The following STARD5 variants were observed in gnomAD, a reference collection of about 807,000 sequenced individuals.
STARD5 encodes the protein StAR related lipid transfer domain containing 5, also known as stAR-related lipid transfer protein 5.
Under a neutral mutation model 24.6 loss-of-function variants are expected in STARD5, and 26 were observed. That is an observed-to-expected ratio of 1.06 (90% CI 0.77 to 1.47). The LOEUF is 1.47. Ranked by LOEUF, STARD5 falls within the 40% of genes most tolerant of loss-of-function variation. The pLI is 0.00. For missense variants in STARD5, 254 were observed against 270.8 expected, an observed-to-expected ratio of 0.94 and a Z score of 0.44; for synonymous variants, 101 against 99.7, an observed-to-expected ratio of 1.01 and a Z score of -0.07.
chr15:81,323,760 T>A, intron 1 of STARD5: 1 of 731,130 alleles, frequency 1.4e-6, no homozygotes. Context: ...AACAGCCAGG[T>A]GACCTTGGGC....
At chr15:81,323,915 G>A in intron 1 of STARD5, 86 bp downstream of exon 1, 1 of 1,374,740 alleles carries the variant, frequency 7.3e-7, no homozygotes, top group Non-Finnish European at 1.0e-6. Context: ...GAAAACAACG[G>A]GGAGAGGAGG....
chr15:81,318,350 C>A, intron 5 of STARD5, 59 bp downstream of exon 5: 1 of 1,448,084 alleles, frequency 6.9e-7, no homozygotes, highest in Admixed American at 1.7e-5. Context: ...ACAGAAGGTC[C>A]ACAGGGAAGT....
chr15:81,317,899 G>A (rs1447677729), intron 5 of STARD5, among the ~76,000 whole-genome samples: 1 of 152,216 alleles, frequency 6.6e-6, no homozygotes, highest in East Asian at 1.9e-4. Flanking sequence ...TTACAGTGTG[G>A]TCTCAGAACT....
At chr15:81,322,973 A>G in intron 1 of STARD5, 25 bp from the exon 2 acceptor site, 1 of 1,613,834 alleles carries the variant, frequency 6.2e-7, no homozygotes, top group Non-Finnish European at 8.5e-7. Flanking sequence ...AGAACCACAG[A>G]ATTTTAGAGC....
At chr15:81,323,129 T>C in intron 1 of STARD5, 181 bp from the exon 2 acceptor site, 1 of 623,688 alleles carries the variant, frequency 1.6e-6, no homozygotes, top group Admixed American at 3.0e-5. Flanking sequence ...CACAGCAGAA[T>C]GTGATGAAGA....
chr15:81,323,966 C>T (rs1197835562), intron 1 of STARD5, 35 bp downstream of exon 1: 1 of 1,559,142 alleles, frequency 6.4e-7, no homozygotes, highest in South Asian at 1.2e-5. Flanking sequence ...ACGAAGCCGT[C>T]TCCGCGACCC....
chr15:81,323,840 T>A, intron 1 of STARD5, 161 bp downstream of exon 1: 1 of 792,346 alleles, frequency 1.3e-6, no homozygotes, highest in Non-Finnish European at 2.0e-6. Context: ...CCCAATCTTT[T>A]TTTTAAAGAA....
At chr15:81,318,615 G>C in intron 4 of STARD5, 113 bp from the exon 5 acceptor site, 5 of 907,190 alleles carry the variant, frequency 5.5e-6, no homozygotes, top group Non-Finnish European at 8.6e-6. Context: ...GAGTCTGTGA[G>C]GGACTCCTGC....
intron 1 of STARD5, 173 bp downstream of exon 1, chr15:81,323,828 G>A: frequency 1.3e-6 from 1 of 750,244 alleles, no homozygotes. Flanking sequence ...GAGCATAACA[G>A]GCCCAATCTT....
Position 81,313,052 on chromosome 15 carries a change from T to C in STARD5, c.*204A>G, listed in dbSNP as rs1430498852. 2.2e-6 allele frequency: 1 copy of C among 464,342 alleles called. No homozygotes were observed. Among genetic ancestry groups the C allele is most frequent in the Non-Finnish European group, 3.6e-6 (1 of 278,378 alleles). The allele number at this position is 464,342 out of a possible 1,614,324, so 28.8% of individuals were successfully genotyped here. On this transcript the variant is annotated 3_prime_UTR_variant, in exon 6 of 6. Coordinates refer to ENST00000302824, the MANE Select transcript of STARD5 (RefSeq NM_181900.3). ...ATGGAGTTTGGAACACATGAATGGC[T>C]CATCACACGCCAACCCTGAGTGGGG...
At position 81,324,046 on chromosome 15, in the gene STARD5, G is replaced by C. The variant is rs770932256; in HGVS notation, c.54C>G (p.Leu18=). ...QMSEAVAEKM[L]QYRRDTAGWK... Reference sequence around the variant, plus strand: ...AGCCTGCTGTGTCCCGCCGGTACTGGAGCATCTTCTCGGCCACAGCCTCGC... The same window carrying C: ...AGCCTGCTGTGTCCCGCCGGTACTGCAGCATCTTCTCGGCCACAGCCTCGC... The change falls in exon 1 of 6, where the codon CTC becomes CTG. Residue 18 remains leucine, a synonymous_variant. Coordinates refer to ENST00000302824, the MANE Select transcript of STARD5 (RefSeq NM_181900.3). The C allele has an allele frequency of 3.5e-5, 56 of 1,596,408 alleles. No homozygotes were observed. Among genetic ancestry groups the C allele is most frequent in the Non-Finnish European group, 4.2e-5 (49 of 1,170,068 alleles).
intron 1 of STARD5, chr15:81,323,269 C>T: frequency 2.5e-6 from 1 of 399,664 alleles, no homozygotes; most frequent in Admixed American, 4.1e-5. Context: ...TCAAGCAAAA[C>T]TACTCCCATG....
Position 81,312,635 on chromosome 15 carries a change from CAAAT to C in STARD5, c.*617_*620del, listed in dbSNP as rs1010580103. 6.6e-6 allele frequency: 1 copy of C among 152,216 alleles called. No individual in the cohort carries two copies. The highest frequency in any genetic ancestry group is 1.5e-5 in the Non-Finnish European group (1 of 68,028). 9.4% of individuals were successfully genotyped at this position (152,216 alleles called of 1,614,324 possible). A position where few individuals can be genotyped will look rare whatever the true frequency, so the allele number is the denominator to read the frequency against. ...CCTTGCGGGGATAAAGAGAGAAAAA[CAAAT>C]TCATCAAATGGAAGACACATTGAAA... On this transcript the variant is annotated 3_prime_UTR_variant, in exon 6 of 6. Coordinates refer to ENST00000302824, the MANE Select transcript of STARD5 (RefSeq NM_181900.3).
intron 1 of STARD5, 100 bp from the exon 2 acceptor site, chr15:81,323,048 A>G (rs1162199639): frequency 1.5e-6 from 2 of 1,308,322 alleles, no homozygotes; most frequent in Non-Finnish European, 2.2e-6. Flanking sequence ...AGGCCTCAAG[A>G]GATACGACTC....
chr15:81,319,100 A>C (rs1249865960), intron 4 of STARD5, among the ~76,000 whole-genome samples: 1 of 150,264 alleles, frequency 6.7e-6, no homozygotes. Flanking sequence ...GCAGGAAAAA[A>C]AAAAAAGGGG....
chr15:81,309,959 A>G lies in STARD5; in HGVS notation c.*3297T>C, dbSNP rs778708375. ...TTTCTTCTGTGATTCGGTGGAGACT[A>G]TCAGCCCAAGATGCTTTAAGTGCAC... On this transcript the variant is annotated 3_prime_UTR_variant, in exon 6 of 6. Coordinates refer to ENST00000302824, the MANE Select transcript of STARD5 (RefSeq NM_181900.3). The G allele has an allele frequency of 3.9e-5, 6 of 152,242 alleles. No homozygotes were observed. Among genetic ancestry groups the G allele is most frequent in the Admixed American group, 2.6e-4 (4 of 15,282 alleles). The allele number at this position is 152,242 out of a possible 1,614,324, so 9.4% of individuals were successfully genotyped here.
Position 81,313,230 on chromosome 15 carries a change from T to C in STARD5, c.*26A>G. On this transcript the variant is annotated 3_prime_UTR_variant, in exon 6 of 6. Coordinates refer to ENST00000302824, the MANE Select transcript of STARD5 (RefSeq NM_181900.3). Reference sequence around the variant, plus strand: ...GGAGCTCCTCGATGAGTCACGGGAGTTCTTTGCCAAGAAGTAACGATAGCA... The same window carrying C: ...GGAGCTCCTCGATGAGTCACGGGAGCTCTTTGCCAAGAAGTAACGATAGCA... 6.6e-7 allele frequency: 1 copy of C among 1,513,544 alleles called. No individual in the cohort carries two copies. 93.8% of individuals were successfully genotyped at this position (1,513,544 alleles called of 1,614,324 possible).
rs1304750782 is a variant in STARD5, at chr15:81,322,436, C to T, written c.254G>A (p.Gly85Asp). The part of the protein sequence containing the change: ...LRVKWDENVT[G>D]FEIIQSITDT... ...AGTGATGCTTTGGATAATTTCAAAA[C>T]CGGTCACATTCTCATCCCACTTCAC... is the stretch of plus-strand genomic sequence containing the variant. Residue 85 changes from glycine (G) to aspartate (D), a missense_variant, in exon 3 of 6, where the codon GGT (glycine) becomes GAT (aspartate). Coordinates refer to ENST00000302824, the MANE Select transcript of STARD5 (RefSeq NM_181900.3). The T allele has an allele frequency of 1.9e-6, 3 of 1,614,234 alleles. No homozygotes were observed. The highest frequency in any genetic ancestry group is 2.5e-6 in the Non-Finnish European group (3 of 1,180,048).
intron 3 of STARD5, among the ~76,000 whole-genome samples, chr15:81,321,201 A>G (rs1005778570): frequency 1.3e-5 from 2 of 152,192 alleles, no homozygotes; most frequent in African/African-American, 4.8e-5. Context: ...GCTCCCATTC[A>G]TCTCATCTAA....
Sources: allele counts gnomAD v4.1 joint callset (sites outside exome capture counted in the v4.1 genomes callset), GRCh38; gene constraint gnomAD v4.1.1; transcripts MANE v1.5; gene names NCBI Gene and HGNC (gene_info 2026-07-23, HGNC 2026-07-21).